Variants in MYZAP observed in about 807,000 individuals in gnomAD.
MYZAP encodes the protein GRINL1A complex locus upstream.
A neutral mutation model predicts 69.4 loss-of-function variants in MYZAP; 66 were observed. That is an observed-to-expected ratio of 0.95 (90% CI 0.78 to 1.17). MYZAP has a LOEUF of 1.17. Among genes scored for constraint, MYZAP ranks in the 50% most tolerant of loss-of-function variants. The pLI is 0.00. For missense variants in MYZAP, 611 were observed against 556.2 expected (o/e 1.10, Z -0.99); for synonymous variants, 256 against 205.9 (o/e 1.24, Z -2.09).
chr15:57,649,982 G>C (rs1008453249), intron 10 of MYZAP, among the ~76,000 whole-genome samples: 1 of 152,118 alleles, frequency 6.6e-6, no homozygotes, highest in African/African-American at 2.4e-5. Context: ...CATCTATTTT[G>C]TTTGTGGTTG....
In MYZAP at chr15:57,621,711, A is replaced by T; in HGVS notation, c.411+11A>T. ...ACCCAGGAACTATCAGTAAGTCATT[A>T]TCTCAGTTGCTTGGAGATAGGGAGG... On this transcript the variant is annotated intron_variant, in intron 4 of 12. Transcript: ENST00000267853. 1 of 1,613,242 alleles carries T rather than the reference A, an allele frequency of 6.2e-7. No homozygotes were observed. Among genetic ancestry groups the T allele is most frequent in the Non-Finnish European group, 8.5e-7 (1 of 1,179,376 alleles).
intron 10 of MYZAP, chr15:57,648,144 T>G (rs1360125848): frequency 1.0e-6 from 1 of 981,906 alleles, no homozygotes. Context: ...CTTAGACAAT[T>G]TATCTAAAAT....
intron 2 of MYZAP, among the ~76,000 whole-genome samples, chr15:57,609,558 C>G (rs1243278491): frequency 5.9e-5 from 9 of 152,182 alleles, no homozygotes; most frequent in African/African-American, 2.2e-4. Flanking sequence ...GACCTGCTCT[C>G]CATATAATTC....
At chr15:57,604,812 C>A (rs942849576) in intron 2 of MYZAP, among the ~76,000 whole-genome samples, 1 of 152,220 alleles carries the variant, frequency 6.6e-6, no homozygotes, top group African/African-American at 2.4e-5. Context: ...GGAAAGGGCA[C>A]TTTCTTGGCT....
chr15:57,618,335 T>C, intron 3 of MYZAP, 147 bp downstream of exon 3: 1 of 1,309,900 alleles, frequency 7.6e-7, no homozygotes, highest in East Asian at 2.5e-5. Context: ...TTTCTGTGTA[T>C]CTTCATGGTA....
chr15:57,629,291 A>G (rs1370517882), intron 5 of MYZAP, among the ~76,000 whole-genome samples: 1 of 152,154 alleles, frequency 6.6e-6, no homozygotes, highest in Non-Finnish European at 1.5e-5. Flanking sequence ...GTGCATAAAC[A>G]TATATTTGAA....
chr15:57,651,706 G>A lies in MYZAP; in HGVS notation c.1120-9744G>A, dbSNP rs561971823. 2.8e-4 allele frequency among the ~76,000 whole-genome samples: 43 copies of A among 152,342 alleles called. 1 individual carries two copies. The highest frequency in any genetic ancestry group is 9.9e-4 in the African/African-American group (41 of 41,578). ...CTTGGCACCTCAGTTTCATGGTCTG[G>A]TGGGGATAACCACATAGGGTTGTTT... is the stretch of plus-strand genomic sequence containing the variant. On this transcript the variant is annotated intron_variant, in intron 10 of 12. Coordinates refer to ENST00000267853, the MANE Select transcript of MYZAP (RefSeq NM_001018100.5).
chr15:57,682,064 T>A (rs1332365661), intron 12 of MYZAP, among the ~76,000 whole-genome samples: 1 of 152,196 alleles, frequency 6.6e-6, no homozygotes, highest in Non-Finnish European at 1.5e-5. Flanking sequence ...CCCACAGATC[T>A]TGGTGGCTTA....
At chr15:57,645,590 C>G (rs1408276681) in intron 10 of MYZAP, among the ~76,000 whole-genome samples, 4 of 152,168 alleles carry the variant, frequency 2.6e-5, no homozygotes, top group African/African-American at 4.8e-5. Context: ...GTATAAAATG[C>G]ACAGCATGTT....
chr15:57,604,616 A>G (rs2034628729), intron 2 of MYZAP, among the ~76,000 whole-genome samples: 1 of 152,208 alleles, frequency 6.6e-6, no homozygotes, highest in South Asian at 2.1e-4. Context: ...CTGCAGGGAC[A>G]CTGGTCTTAG....
At chr15:57,676,455 T>TATAC (rs1555465197) in intron 12 of MYZAP, among the ~76,000 whole-genome samples, 1 of 143,134 alleles carries the variant, frequency 7.0e-6, no homozygotes, top group Non-Finnish European at 1.5e-5. Context: ...TATATATATA[T>TATAC]ATACATATAT....
chr15:57,625,637 T>A, intron 4 of MYZAP, 142 bp from the exon 5 acceptor site: 1 of 737,908 alleles, frequency 1.4e-6, no homozygotes, highest in Non-Finnish European at 2.3e-6. Context: ...ATCATGCAGA[T>A]GTTGACTTTT....
chr15:57,593,693 C>T (rs1394664916), intron 1 of MYZAP, among the ~76,000 whole-genome samples: 1 of 152,164 alleles, frequency 6.6e-6, no homozygotes, highest in African/African-American at 2.4e-5. Flanking sequence ...AATAAGATGG[C>T]AGACGTATTT....
chr15:57,670,167 T>A (rs2038799436), intron 11 of MYZAP, among the ~76,000 whole-genome samples: 1 of 152,056 alleles, frequency 6.6e-6, no homozygotes, highest in African/African-American at 2.4e-5. Context: ...TTTCTTGGAT[T>A]TTGTGTAATT....
At chr15:57,673,293 T>C (rs780870176) in intron 11 of MYZAP, among the ~76,000 whole-genome samples, 3 of 152,172 alleles carry the variant, frequency 2.0e-5, no homozygotes, top group Non-Finnish European at 2.9e-5. Context: ...ATGATTAAAG[T>C]CTTTACACTA....
chr15:57,670,070 A>G (rs774493488), intron 11 of MYZAP, among the ~76,000 whole-genome samples: 1 of 152,106 alleles, frequency 6.6e-6, no homozygotes, highest in Non-Finnish European at 1.5e-5. Flanking sequence ...AATTTTTGTG[A>G]AAAAATATAT....
At chr15:57,670,222 G>A (rs1458028097) in intron 11 of MYZAP, among the ~76,000 whole-genome samples, 1 of 151,882 alleles carries the variant, frequency 6.6e-6, no homozygotes, top group Non-Finnish European at 1.5e-5. Flanking sequence ...CCCTTACCAT[G>A]GTTTTAGACT....
chr15:57,594,907 C>G (rs1214474419), intron 1 of MYZAP, among the ~76,000 whole-genome samples: 1 of 152,188 alleles, frequency 6.6e-6, no homozygotes, highest in Non-Finnish European at 1.5e-5. Context: ...TGTTATTCCT[C>G]TCTGATGATG....
intron 10 of MYZAP, among the ~76,000 whole-genome samples, chr15:57,648,770 G>A (rs2037577353): frequency 6.8e-6 from 1 of 147,946 alleles, no homozygotes; most frequent in South Asian, 2.1e-4. Context: ...TGCCATTTTG[G>A]CACACTTGTT....
Sources: allele counts gnomAD v4.1 joint callset (sites outside exome capture counted in the v4.1 genomes callset), GRCh38; gene constraint gnomAD v4.1.1; transcripts MANE v1.5; gene names NCBI Gene and HGNC (gene_info 2026-07-23, HGNC 2026-07-21).